Variants in UVRAG observed in about 807,000 individuals in gnomAD.
UVRAG encodes the protein UV radiation resistance associated.
In UVRAG, 19 loss-of-function variants were observed where a neutral mutation model predicts 78.0. The ratio of observed to expected loss-of-function variants is 0.24; its 90% CI spans 0.17 to 0.36. UVRAG has a LOEUF of 0.36. Ranked by LOEUF, UVRAG falls within the 10% of genes least tolerant of loss-of-function variation. The probability of loss-of-function intolerance (pLI) is 1.00; values close to 1 mark genes in which losing one functional copy is unlikely to be tolerated. For synonymous variants in UVRAG, 323 were observed against 324.6 expected, an observed-to-expected ratio of 1.00 and a Z score of 0.05; for missense variants, 740 against 853.8, an observed-to-expected ratio of 0.87 and a Z score of 1.66.
chr11:75,930,927 T>TTTTTTTTCTTTCTTTC (rs752762673), intron 6 of UVRAG: 1 of 117,404 alleles, frequency 8.5e-6, no homozygotes, highest in African/African-American at 3.2e-5. Context: ...AGTGTCGGGA[T>TTTTTTTTCTTTCTTTC]TTTCTTTCTT....
chr11:76,115,831 T>TA, intron 13 of UVRAG, 93 bp from the exon 14 acceptor site: 1 of 1,112,384 alleles, frequency 9.0e-7, no homozygotes, highest in Non-Finnish European at 1.3e-6. Flanking sequence ...TTTCCTCTTT[T>TA]AGAGTTCAAA....
intron 3 of UVRAG, among the ~76,000 whole-genome samples, chr11:75,868,484 G>A (rs574082255): frequency 9.8e-5 from 15 of 152,314 alleles, no homozygotes; most frequent in African/African-American, 3.6e-4. Flanking sequence ...GGAAGGCATA[G>A]CATTACAATT....
intron 5 of UVRAG, chr11:75,911,425 G>T: frequency 6.2e-6 from 1 of 161,586 alleles, no homozygotes. Context: ...CCTCTCCTTG[G>T]TGCTGTTGCC....
chr11:76,105,834 G>A (rs77410030), intron 13 of UVRAG, among the ~76,000 whole-genome samples: 5,300 of 152,238 alleles, frequency 0.035, 294 homozygotes, highest in African/African-American at 0.12. Context: ...AAAACTGACA[G>A]TATCAAGTGC....
chr11:76,075,998 G>A (rs1003147365), intron 13 of UVRAG, among the ~76,000 whole-genome samples: 5 of 152,172 alleles, frequency 3.3e-5, no homozygotes, highest in African/African-American at 1.2e-4. Context: ...TTTACGAGTT[G>A]ATAGACTTTT....
At chr11:76,088,981 C>G (rs1428655358) in intron 13 of UVRAG, among the ~76,000 whole-genome samples, 1 of 152,182 alleles carries the variant, frequency 6.6e-6, no homozygotes, top group Non-Finnish European at 1.5e-5. Flanking sequence ...GACACAGTAG[C>G]TAGCACATAA....
intron 4 of UVRAG, among the ~76,000 whole-genome samples, chr11:75,884,496 A>G (rs1416503648): frequency 6.6e-6 from 1 of 152,054 alleles, no homozygotes; most frequent in Non-Finnish European, 1.5e-5. Flanking sequence ...CAAGGTCACA[A>G]AGACTTTTTC....
At chr11:75,879,846 T>C in intron 3 of UVRAG, 33 bp from the exon 4 acceptor site, 4 of 1,599,998 alleles carry the variant, frequency 2.5e-6, no homozygotes, top group Non-Finnish European at 3.4e-6. Context: ...CAAATAGAGT[T>C]GTCCTAAAGC....
intron 12 of UVRAG, among the ~76,000 whole-genome samples, chr11:76,052,828 C>T (rs1950895266): frequency 6.6e-6 from 1 of 152,058 alleles, no homozygotes; most frequent in African/African-American, 2.4e-5. Flanking sequence ...CTCATTCATA[C>T]CTATGGCTTT....
At chr11:75,907,472 CTG>C (rs1308646815) in intron 5 of UVRAG, among the ~76,000 whole-genome samples, 1 of 151,530 alleles carries the variant, frequency 6.6e-6, no homozygotes, top group African/African-American at 2.4e-5. Flanking sequence ...ACTGAGATGA[CTG>C]TGTGTGTTGT....
At chr11:76,140,586 A>G in intron 14 of UVRAG, 125 bp from the exon 15 acceptor site, 2 of 991,962 alleles carry the variant, frequency 2.0e-6, no homozygotes, top group South Asian at 1.9e-5. Context: ...ACTATTGTCT[A>G]AGATTGATTC....
At chr11:75,973,785 C>T (rs1949173918) in intron 7 of UVRAG, among the ~76,000 whole-genome samples, 2 of 152,136 alleles carry the variant, frequency 1.3e-5, no homozygotes, top group African/African-American at 4.8e-5. Context: ...TCAATTCCTG[C>T]CTGTGAGTGA....
chr11:76,108,084 C>T (rs964797751), intron 13 of UVRAG, among the ~76,000 whole-genome samples: 2 of 152,082 alleles, frequency 1.3e-5, no homozygotes, highest in African/African-American at 4.8e-5. Context: ...CGATAACACA[C>T]GGTTTGTATC....
chr11:75,929,375 T>C (rs1191631807), intron 6 of UVRAG, among the ~76,000 whole-genome samples: 1 of 152,166 alleles, frequency 6.6e-6, no homozygotes, highest in Non-Finnish European at 1.5e-5. Flanking sequence ...TCAGTTTGAA[T>C]GGGGAGCTAT....
chr11:75,925,291 T>A (rs762376596), intron 6 of UVRAG, among the ~76,000 whole-genome samples: 2 of 152,322 alleles, frequency 1.3e-5, no homozygotes, highest in South Asian at 4.1e-4. Flanking sequence ...CATAACTTGA[T>A]TTTTACATGC....
chr11:76,013,763 A>C (rs113241453), intron 11 of UVRAG, among the ~76,000 whole-genome samples: 18 of 152,180 alleles, frequency 1.2e-4, no homozygotes, highest in African/African-American at 4.3e-4. Flanking sequence ...GATGAAAGTG[A>C]CTTCCCTACC....
At position 75,983,326 on chromosome 11, in the gene UVRAG, G is replaced by A. The variant is rs951772099; in HGVS notation, c.700-61G>A. 7 of 1,402,480 alleles carry A rather than the reference G, an allele frequency of 5.0e-6. No homozygotes were observed. The African/African-American group carries it at 1.0e-4, about 21-fold the overall frequency. 86.9% of individuals were successfully genotyped at this position (1,402,480 alleles called of 1,614,324 possible). ...ATTTATTTTTAAACATTGTGAGTAT[G>A]TAATTATTCATAGTCATGACATTTA... On this transcript the variant is annotated intron_variant, in intron 7 of 14. Coordinates refer to ENST00000356136, the MANE Select transcript of UVRAG (RefSeq NM_003369.4).
chr11:75,984,682 A>G (rs1039358619), intron 8 of UVRAG, among the ~76,000 whole-genome samples: 1 of 152,204 alleles, frequency 6.6e-6, no homozygotes, highest in African/African-American at 2.4e-5. Context: ...CAGACTAGCC[A>G]CTGCCAAGAC....
chr11:75,965,304 T>TTTTATTTATTTATTTATTTA (rs112528205), intron 7 of UVRAG, among the ~76,000 whole-genome samples: 13 of 145,832 alleles, frequency 8.9e-5, no homozygotes, highest in African/African-American at 3.7e-4. Context: ...TTTGGACATC[T>TTTTATTTATTTATTTATTTA]TTTATTTATT....
Sources: gnomAD v4.1 joint callset for allele counts (sites outside exome capture counted in the v4.1 genomes callset) on GRCh38, gnomAD v4.1.1 for gene constraint, MANE v1.5 for transcripts, NCBI Gene and HGNC (gene_info 2026-07-23, HGNC 2026-07-21) for gene names.